RIC3: variants seen among roughly 807,000 people sequenced by gnomAD.
RIC3 encodes the protein RIC3 acetylcholine receptor chaperone.
Under a neutral mutation model 27.3 loss-of-function variants are expected in RIC3, and 28 were observed. The ratio of observed to expected loss-of-function variants is 1.02; its 90% CI spans 0.76 to 1.41. The LOEUF is 1.41. Ranked by LOEUF, RIC3 falls within the 40% of genes most tolerant of loss-of-function variation. The pLI is 0.00. For synonymous variants in RIC3, 184 were observed against 160.4 expected, an observed-to-expected ratio of 1.15 and a Z score of -1.11; for missense variants, 501 against 444.7, an observed-to-expected ratio of 1.13 and a Z score of -1.14.
At chr11:8,163,422 A>C (rs939753247) in intron 1 of RIC3, among the ~76,000 whole-genome samples, 2 of 152,110 alleles carry the variant, frequency 1.3e-5, no homozygotes, top group Admixed American at 1.3e-4. Context: ...ATTGCACTAA[A>C]GGTTCCAGCT....
intron 5 of RIC3, among the ~76,000 whole-genome samples, chr11:8,124,522 A>C (rs1396622734): frequency 6.6e-6 from 1 of 152,246 alleles, no homozygotes; most frequent in Non-Finnish European, 1.5e-5. Context: ...TTTTTCATAA[A>C]AACTGACAAA....
At chr11:8,146,678 A>T (rs1949712039) in intron 1 of RIC3, among the ~76,000 whole-genome samples, 1 of 152,160 alleles carries the variant, frequency 6.6e-6, no homozygotes, top group Non-Finnish European at 1.5e-5. Flanking sequence ...ATGAGACTTC[A>T]ATCAAATACA....
chr11:8,159,221 T>C (rs766163197), intron 1 of RIC3, among the ~76,000 whole-genome samples: 27 of 152,074 alleles, frequency 1.8e-4, no homozygotes, highest in Non-Finnish European at 4.4e-5. Context: ...GGCACATGGA[T>C]ATCCAAAAGA....
chr11:8,126,831 C>A (rs774158476), intron 4 of RIC3, 24 bp from the exon 5 acceptor site: 2 of 1,613,490 alleles, frequency 1.2e-6, no homozygotes, highest in African/African-American at 1.3e-5. Flanking sequence ...GACAATCCAA[C>A]CATTTAGTGG....
intron 1 of RIC3, among the ~76,000 whole-genome samples, chr11:8,149,573 A>G (rs1444430335): frequency 6.6e-6 from 1 of 152,202 alleles, no homozygotes; most frequent in Admixed American, 6.5e-5. Context: ...AGGCTATTAC[A>G]GTAACTTAGC....
chr11:8,111,181 C>CA (rs56271449), intron 5 of RIC3, 44 bp from the exon 6 acceptor site: 58,186 of 1,036,924 alleles, frequency 0.056, 2 homozygotes, highest in Middle Eastern at 0.071. Context: ...AATGTCTCCT[C>CA]AAAAAAAAAA....
chr11:8,155,640 C>T (rs1211217634), intron 1 of RIC3, among the ~76,000 whole-genome samples: 1 of 152,120 alleles, frequency 6.6e-6, no homozygotes, highest in Non-Finnish European at 1.5e-5. Context: ...ATAACCATAC[C>T]TATTGCTAAA....
chr11:8,146,216 G>T (rs1949661891), intron 1 of RIC3, among the ~76,000 whole-genome samples: 1 of 152,132 alleles, frequency 6.6e-6, no homozygotes, highest in Non-Finnish European at 1.5e-5. Context: ...ACATAGCTTT[G>T]GAAACCACAC....
intron 5 of RIC3, among the ~76,000 whole-genome samples, chr11:8,112,949 C>T (rs1945435854): frequency 6.6e-6 from 1 of 152,214 alleles, no homozygotes; most frequent in Non-Finnish European, 1.5e-5. Flanking sequence ...CTTTTTTATA[C>T]TGTGCCAAAT....
rs1319368543 is a variant in RIC3 at position 8,106,663 on chromosome 11, A to G, written c.*4035T>C. 7.2e-6 allele frequency: 1 copy of G among 138,276 alleles called. No homozygotes were observed. The highest frequency in any genetic ancestry group is 1.5e-5 in the Non-Finnish European group (1 of 64,800). 8.6% of individuals were successfully genotyped at this position (138,276 alleles called of 1,614,324 possible). A position where few individuals can be genotyped will look rare whatever the true frequency, so the allele number is the denominator to read the frequency against. ...CTTGCTTGGACCCTAACCCATTTAAACAGGACCTCGAGATGCTTAGGAATC... is the reference window on the plus strand; with the variant it reads ...CTTGCTTGGACCCTAACCCATTTAAGCAGGACCTCGAGATGCTTAGGAATC... On this transcript the variant is annotated 3_prime_UTR_variant, in exon 6 of 6. Coordinates refer to ENST00000309737, the MANE Select transcript of RIC3 (RefSeq NM_001206671.4).
At chr11:8,129,364 C>T (rs1947402202) in intron 4 of RIC3, among the ~76,000 whole-genome samples, 2 of 152,078 alleles carry the variant, frequency 1.3e-5, no homozygotes, top group South Asian at 4.1e-4. Flanking sequence ...ACCATCACCT[C>T]TATAGAAAAG....
In RIC3 at chr11:8,169,004, G is replaced by C. The variant is rs1952032971; in HGVS notation, c.-15C>G. The C allele has an allele frequency of 1.3e-6, 2 of 1,562,580 alleles. No individual in the cohort carries two copies. Among genetic ancestry groups the C allele is most frequent in the Non-Finnish European group, 1.7e-6 (2 of 1,159,604 alleles). ...GAGTACGCCATGACTGCTCACGGTG[G>C]TCGCAGGTGCAGACGCCAGCCGGAA... On this transcript the variant is annotated 5_prime_UTR_variant, in exon 1 of 6. Coordinates refer to ENST00000309737, the MANE Select transcript of RIC3 (RefSeq NM_001206671.4).
chr11:8,142,303 GAGA>G (rs2133956070), intron 1 of RIC3, among the ~76,000 whole-genome samples: 1 of 145,120 alleles, frequency 6.9e-6, no homozygotes, highest in East Asian at 2.0e-4. Flanking sequence ...GAAAAAAAGA[GAGA>G]AGAATCAAAT....
chr11:8,101,598 C>T, downstream of RIC3: 1 of 1,614,242 alleles, frequency 6.2e-7, no homozygotes, highest in Middle Eastern at 1.6e-4. Context: ...CCAGCTTCGA[C>T]AGCAAGCTGG....
intron 1 of RIC3, among the ~76,000 whole-genome samples, chr11:8,151,518 G>A (rs1483424278): frequency 2.2e-5 from 3 of 137,986 alleles, no homozygotes; most frequent in Non-Finnish European, 3.0e-5. Context: ...CCCGGGAGGC[G>A]GAGCTTGCAG....
chr11:8,165,684 T>C (rs893996545), intron 1 of RIC3, among the ~76,000 whole-genome samples: 2 of 147,256 alleles, frequency 1.4e-5, no homozygotes, highest in African/African-American at 5.0e-5. Context: ...TTGTATGATA[T>C]ATAAATTAGA....
chr11:8,150,310 G>A (rs1204971360), intron 1 of RIC3, among the ~76,000 whole-genome samples: 1 of 152,102 alleles, frequency 6.6e-6, no homozygotes, highest in Non-Finnish European at 1.5e-5. Flanking sequence ...AAGTTAACAT[G>A]TCCAAGGTTT....
chr11:8,100,538 G>A, the RIC3 span: 1 of 1,614,148 alleles, frequency 6.2e-7, no homozygotes, highest in East Asian at 2.2e-5. Flanking sequence ...GGCCTCGGAA[G>A]ATGAGCGTGA....
chr11:8,100,595 C>T, the RIC3 span: 6 of 1,613,932 alleles, frequency 3.7e-6, no homozygotes, highest in Admixed American at 5.0e-5. Context: ...CTATCCGCCC[C>T]CGCAACGTGA....
Sources: allele counts gnomAD v4.1 joint callset (sites outside exome capture counted in the v4.1 genomes callset), GRCh38; gene constraint gnomAD v4.1.1; transcripts MANE v1.5; gene names NCBI Gene and HGNC (gene_info 2026-07-23, HGNC 2026-07-21).